The following NUBPL variants were observed in gnomAD, a reference collection of about 807,000 sequenced individuals.
The protein encoded by NUBPL is NUBP iron-sulfur cluster assembly factor, mitochondrial.
In NUBPL, 31 loss-of-function variants were observed where a neutral mutation model predicts 45.7. The ratio of observed to expected loss-of-function variants is 0.68; its 90% CI spans 0.51 to 0.92. The LOEUF is 0.92. Among genes scored for constraint, NUBPL ranks in the 40% least tolerant of loss-of-function variants. NUBPL has a pLI of 0.00. For missense variants in NUBPL, 401 were observed against 398.7 expected, an observed-to-expected ratio of 1.01 and a Z score of -0.05; for synonymous variants, 144 against 140.9, an observed-to-expected ratio of 1.02 and a Z score of -0.15.
chr14:31,826,724 TA>T lies in NUBPL; in HGVS notation c.693+11del, dbSNP rs758688539. On this transcript the variant is annotated intron_variant, in intron 8 of 10. Coordinates refer to ENST00000281081, the MANE Select transcript of NUBPL (RefSeq NM_025152.3). ...CAGAGTCCACGTGCCCGTAAGCGTT[TA>T]CAGCTTCACTGTGAAAAATATAAAA... 4.3e-6 allele frequency: 7 copies of T among 1,611,088 alleles called. No individual in the cohort carries two copies. Among genetic ancestry groups the T allele is most frequent in the Non-Finnish European group, 5.9e-6 (7 of 1,177,306 alleles).
intron 4 of NUBPL, among the ~76,000 whole-genome samples, chr14:31,612,616 G>A (rs2139604121): frequency 6.6e-6 from 1 of 151,540 alleles, no homozygotes; most frequent in South Asian, 2.1e-4. Context: ...AGCCAAGATC[G>A]TGCCACTGCA....
rs979223713 is a variant in NUBPL at position 31,802,684 on chromosome 14, A to C, written c.607+14811A>C. Among the ~76,000 whole-genome samples the C allele has an allele frequency of 2.0e-5, 3 of 152,144 alleles. 1 individual carries two copies. The highest frequency in any genetic ancestry group is 7.2e-5 in the African/African-American group (3 of 41,438). On this transcript the variant is annotated intron_variant, in intron 7 of 10. Transcript: ENST00000281081. ...ACAGAGCAATGAGCCAAATAAACTT[A>C]TTTTCCTTATAAATTAATTACCCAG...
At chr14:31,669,189 A>G (rs1342790598) in intron 4 of NUBPL, among the ~76,000 whole-genome samples, 2 of 152,076 alleles carry the variant, frequency 1.3e-5, no homozygotes, top group East Asian at 3.9e-4. Flanking sequence ...TTGACACATA[A>G]TTGCATATAT....
chr14:31,722,058 A>G (rs899938271), intron 6 of NUBPL, among the ~76,000 whole-genome samples: 1 of 151,952 alleles, frequency 6.6e-6, no homozygotes, highest in Non-Finnish European at 1.5e-5. Flanking sequence ...GTGCAGTGGC[A>G]CAGTCTTGGC....
At chr14:31,753,477 T>C (rs938827049) in intron 6 of NUBPL, among the ~76,000 whole-genome samples, 2 of 151,978 alleles carry the variant, frequency 1.3e-5, no homozygotes, top group African/African-American at 4.8e-5. Context: ...GGTGCCAGGA[T>C]CATGGCTGTC....
chr14:31,604,104 T>C (rs1478611095), intron 4 of NUBPL, among the ~76,000 whole-genome samples: 1 of 151,446 alleles, frequency 6.6e-6, no homozygotes, highest in Non-Finnish European at 1.5e-5. Context: ...TAATCTTAAA[T>C]TTGATGTTTG....
intron 8 of NUBPL, chr14:31,845,383 T>G (rs1047920804): frequency 4.6e-5 from 7 of 152,178 alleles, no homozygotes; most frequent in African/African-American, 1.2e-4. Flanking sequence ...CCATCTCGGC[T>G]GGGCACGGTA....
At chr14:31,828,151 G>T (rs779897053) in intron 8 of NUBPL, among the ~76,000 whole-genome samples, 1 of 152,104 alleles carries the variant, frequency 6.6e-6, no homozygotes, top group Non-Finnish European at 1.5e-5. Context: ...CTTTAGGTTG[G>T]AAAATTTTTA....
chr14:31,833,599 T>C (rs1468929227), intron 8 of NUBPL, among the ~76,000 whole-genome samples: 1 of 152,214 alleles, frequency 6.6e-6, no homozygotes, highest in African/African-American at 2.4e-5. Context: ...ACAATGGCAG[T>C]TTCTTTCTTG....
intron 6 of NUBPL, among the ~76,000 whole-genome samples, chr14:31,706,923 A>G (rs1390512366): frequency 6.6e-6 from 1 of 152,222 alleles, no homozygotes; most frequent in Non-Finnish European, 1.5e-5. Flanking sequence ...ATTGGTATAG[A>G]TGGCTCCTTC....
intron 6 of NUBPL, among the ~76,000 whole-genome samples, chr14:31,675,394 T>C (rs1243238766): frequency 6.6e-6 from 1 of 152,144 alleles, no homozygotes; most frequent in African/African-American, 2.4e-5. Context: ...AGCTAAGGAG[T>C]GTTTTCACTT....
intron 6 of NUBPL, among the ~76,000 whole-genome samples, chr14:31,760,219 GCA>G (rs1198019431): frequency 6.7e-6 from 1 of 148,748 alleles, no homozygotes; most frequent in Non-Finnish European, 1.5e-5. Flanking sequence ...GAGTGCAGTG[GCA>G]CAGTCATGGC....
At chr14:31,813,138 C>T (rs2039845218) in intron 7 of NUBPL, among the ~76,000 whole-genome samples, 1 of 151,922 alleles carries the variant, frequency 6.6e-6, no homozygotes, top group South Asian at 2.1e-4. Flanking sequence ...AGGCACTTGC[C>T]ACCACGCCTG....
chr14:31,829,721 T>C (rs958305798), intron 8 of NUBPL, among the ~76,000 whole-genome samples: 1 of 152,194 alleles, frequency 6.6e-6, no homozygotes, highest in Non-Finnish European at 1.5e-5. Flanking sequence ...TTGGAATTCA[T>C]CGGTATGGAC....
intron 4 of NUBPL, among the ~76,000 whole-genome samples, chr14:31,670,656 G>A (rs914274317): frequency 1.1e-4 from 16 of 152,268 alleles, no homozygotes; most frequent in African/African-American, 3.4e-4. Context: ...TGTATATGGT[G>A]TAAGAAAGGG....
intron 4 of NUBPL, among the ~76,000 whole-genome samples, chr14:31,636,937 T>C (rs1466320551): frequency 2.0e-5 from 3 of 152,208 alleles, no homozygotes; most frequent in African/African-American, 7.2e-5. Flanking sequence ...AGTGGTGATA[T>C]CCCATTTATC....
At chr14:31,722,658 T>C (rs1231584181) in intron 6 of NUBPL, among the ~76,000 whole-genome samples, 1 of 152,224 alleles carries the variant, frequency 6.6e-6, no homozygotes, top group Non-Finnish European at 1.5e-5. Flanking sequence ...TATCTCATTG[T>C]GGTTTTGATT....
chr14:31,801,846 T>C (rs1310859389), intron 7 of NUBPL, among the ~76,000 whole-genome samples: 2 of 152,192 alleles, frequency 1.3e-5, no homozygotes, highest in Non-Finnish European at 2.9e-5. Context: ...AGGACACAGC[T>C]AGACAGTCCT....
At chr14:31,727,425 T>C (rs1289904609) in intron 6 of NUBPL, among the ~76,000 whole-genome samples, 1 of 152,170 alleles carries the variant, frequency 6.6e-6, no homozygotes, top group Admixed American at 6.5e-5. Context: ...TTGGTGGAAT[T>C]AGTGGTTTGT....
Sources: gnomAD v4.1 joint callset for allele counts (sites outside exome capture counted in the v4.1 genomes callset) on GRCh38, gnomAD v4.1.1 for gene constraint, MANE v1.5 for transcripts, NCBI Gene and HGNC (gene_info 2026-07-23, HGNC 2026-07-21) for gene names.